The following BAZ1A variants were observed in gnomAD, a reference collection of about 807,000 sequenced individuals.
The protein encoded by BAZ1A is bromodomain adjacent to zinc finger domain protein 1A.
A neutral mutation model predicts 185.2 loss-of-function variants in BAZ1A; 50 were observed. That is an observed-to-expected ratio of 0.27 (90% CI 0.22 to 0.34). The LOEUF (loss-of-function observed/expected upper bound fraction) is 0.34, where lower values mean the gene tolerates loss of function less well. BAZ1A is among the 10% of genes least tolerant of loss of function. BAZ1A has a pLI of 1.00. For missense variants in BAZ1A, 1,356 were observed against 1,839.9 expected, an observed-to-expected ratio of 0.74 and a Z score of 4.81; for synonymous variants, 571 against 615.6, an observed-to-expected ratio of 0.93 and a Z score of 1.07.
intron 3 of BAZ1A, among the ~76,000 whole-genome samples, chr14:34,840,865 T>C (rs775590770): frequency 7.2e-5 from 11 of 152,176 alleles, no homozygotes; most frequent in African/African-American, 2.7e-4. Context: ...GACCACCTAC[T>C]TGTAGACCCC....
At chr14:34,776,577 A>G (rs1879627090) in intron 17 of BAZ1A, 62 bp from the exon 18 acceptor site, 1 of 1,391,336 alleles carries the variant, frequency 7.2e-7, no homozygotes, top group East Asian at 2.3e-5. Context: ...GAAAAATATG[A>G]GATACAAAGT....
At chr14:34,868,878 CTCTA>C (rs2042904109) in intron 2 of BAZ1A, among the ~76,000 whole-genome samples, 2 of 135,394 alleles carry the variant, frequency 1.5e-5, no homozygotes, top group Non-Finnish European at 3.2e-5. Context: ...CACTCATTCT[CTCTA>C]TGTATGTAAG....
intron 17 of BAZ1A, among the ~76,000 whole-genome samples, chr14:34,779,683 G>T (rs1459823685): frequency 6.6e-6 from 1 of 152,110 alleles, no homozygotes; most frequent in Admixed American, 6.6e-5. Context: ...AGATGTATTT[G>T]CTTTGATCTA....
Position 34,761,869 on chromosome 14 carries a change from G to A in BAZ1A, c.4131C>T (p.Phe1377=), listed in dbSNP as rs1420400884. Reference sequence around the variant, plus strand: ...CACTTGACTTTGTGGCAATGACTCTGAAGTTAGGGAAGTTGGGACTATTTT... The same window carrying A: ...CACTTGACTTTGTGGCAATGACTCTAAAGTTAGGGAAGTTGGGACTATTTT... ...TPENSPNFPN[F]RVIATKSSEQ... Residue 1377 remains phenylalanine, a synonymous_variant, in exon 24 of 27, where the codon TTC becomes TTT. Coordinates refer to ENST00000360310, the MANE Select transcript of BAZ1A (RefSeq NM_013448.3). The A allele has an allele frequency of 1.9e-6, 3 of 1,614,088 alleles. No homozygotes were observed. The highest frequency in any genetic ancestry group is 1.1e-5 in the South Asian group (1 of 91,090).
intron 3 of BAZ1A, among the ~76,000 whole-genome samples, chr14:34,857,187 T>C (rs2042696045): frequency 6.6e-6 from 1 of 151,916 alleles, no homozygotes; most frequent in Non-Finnish European, 1.5e-5. Context: ...TTTGTATTTT[T>C]AGTAGAGATG....
In BAZ1A at chr14:34,807,327, G is replaced by C. The variant is rs189018857; in HGVS notation, c.726+124C>G. 2.8e-5 allele frequency: 16 copies of C among 580,922 alleles called. No individual in the cohort carries two copies. The Admixed American group carries it at 6.2e-4, about 23-fold the overall frequency. The allele number at this position is 580,922 out of a possible 1,614,324, so 36.0% of individuals were successfully genotyped here. A position where few individuals can be genotyped will look rare whatever the true frequency, so the allele number is the denominator to read the frequency against. On this transcript the variant is annotated intron_variant, in intron 6 of 26. Coordinates refer to ENST00000360310, the MANE Select transcript of BAZ1A (RefSeq NM_013448.3). ...TATTTTTCAGAAGTACTAAAAATTGGCTCCAGATTAAAAGAGAGCAATCTT... is the reference window on the plus strand; with the variant it reads ...TATTTTTCAGAAGTACTAAAAATTGCCTCCAGATTAAAAGAGAGCAATCTT...
chr14:34,861,210 A>C (rs1464645156), intron 3 of BAZ1A, among the ~76,000 whole-genome samples: 1 of 152,194 alleles, frequency 6.6e-6, no homozygotes, highest in Non-Finnish European at 1.5e-5. Flanking sequence ...ACCTAAAGTC[A>C]AGAGGCTACA....
intron 3 of BAZ1A, among the ~76,000 whole-genome samples, chr14:34,849,709 T>C (rs895826926): frequency 1.3e-5 from 2 of 152,156 alleles, no homozygotes; most frequent in Non-Finnish European, 1.5e-5. Flanking sequence ...AGTTCTGCAA[T>C]GTGTTCTAAT....
intron 14 of BAZ1A, among the ~76,000 whole-genome samples, chr14:34,784,651 G>A (rs975572152): frequency 7.3e-5 from 11 of 151,350 alleles, no homozygotes; most frequent in African/African-American, 2.4e-4. Flanking sequence ...CCGAGTAGCT[G>A]GGACTACAGG....
chr14:34,874,462 C>G lies in BAZ1A; in HGVS notation c.113+30G>C. The G allele has an allele frequency of 1.3e-6, 2 of 1,590,544 alleles. No homozygotes were observed. The highest frequency in any genetic ancestry group is 1.7e-6 in the Non-Finnish European group (2 of 1,159,906). On this transcript the variant is annotated intron_variant, in intron 2 of 26. Transcript: ENST00000360310. The surrounding 1 kb of genome is among the most constrained non-coding windows in gnomAD (Gnocchi z 4.7). ...GCTGCGGGGGGAGTCCCCACACCCC[C>G]CGCGGCCCCGCACACGGCCCGGCTC...
chr14:34,755,816 T>C (rs1886215381), intron 25 of BAZ1A, among the ~76,000 whole-genome samples: 1 of 151,722 alleles, frequency 6.6e-6, no homozygotes, highest in Admixed American at 6.6e-5. Flanking sequence ...CCTATCTTTT[T>C]TTTTTTTTTT....
intron 3 of BAZ1A, among the ~76,000 whole-genome samples, chr14:34,847,096 C>T (rs755088936): frequency 2.0e-5 from 3 of 151,890 alleles, no homozygotes; most frequent in Non-Finnish European, 2.9e-5. Flanking sequence ...ACTAAAAATA[C>T]GAAAATTGGC....
At chr14:34,801,353 G>A (rs1337120311) in intron 7 of BAZ1A, among the ~76,000 whole-genome samples, 160 bp from the exon 8 acceptor site, 1 of 152,160 alleles carries the variant, frequency 6.6e-6, no homozygotes, top group African/African-American at 2.4e-5. Flanking sequence ...GTGCAGTGGT[G>A]TGATCTCGGC....
intron 8 of BAZ1A, 26 bp from the exon 9 acceptor site, chr14:34,800,416 C>CTA (rs772073320): frequency 6.7e-7 from 1 of 1,485,408 alleles, no homozygotes; most frequent in African/African-American, 1.5e-5. Flanking sequence ...AAACTTAGAA[C>CTA]TATATATATA....
chr14:34,764,143 A>G (rs775743410), intron 23 of BAZ1A, among the ~76,000 whole-genome samples: 2 of 152,184 alleles, frequency 1.3e-5, no homozygotes, highest in Non-Finnish European at 2.9e-5. Flanking sequence ...CTAATGTGGC[A>G]GAAGTATAAA....
intron 4 of BAZ1A, among the ~76,000 whole-genome samples, chr14:34,821,194 A>C (rs545740498): frequency 1.3e-5 from 2 of 152,340 alleles, no homozygotes; most frequent in African/African-American, 4.8e-5. Flanking sequence ...ACAACACTGC[A>C]TATATCTTGT....
At chr14:34,873,908 G>A (rs1233883202) in intron 2 of BAZ1A, among the ~76,000 whole-genome samples, 2 of 152,142 alleles carry the variant, frequency 1.3e-5, no homozygotes, top group Non-Finnish European at 2.9e-5. Context: ...GGCCCGTAGG[G>A]ACGCCCCCTC....
In BAZ1A at chr14:34,792,868, A is replaced by G. The variant is rs1177308211; in HGVS notation, c.1417T>C (p.Leu473=). 1.9e-6 allele frequency: 3 copies of G among 1,613,968 alleles called. No homozygotes were observed. Among genetic ancestry groups the G allele is most frequent in the Admixed American group, 1.7e-5 (1 of 59,982 alleles). Residue 473 remains leucine (L), a synonymous_variant, in exon 12 of 27, where the codon TTG becomes CTG. Transcript: ENST00000360310. ...GNDSEGPLCE[L]LFFFLTAIFQ... ...ATTGCAGTCAGGAAGAAAAAAAGCA[A>G]TTCACACAGTGGGCCTTCACTGTCA...
rs773662351 is a variant in BAZ1A at position 34,795,716 on chromosome 14, T to A, written c.1178A>T (p.Lys393Ile). 6.2e-7 allele frequency: 1 copy of A among 1,613,416 alleles called. No individual in the cohort carries two copies. Among genetic ancestry groups the A allele is most frequent in the Non-Finnish European group, 8.5e-7 (1 of 1,179,852 alleles). ...EEKRKYVEYL[K>I]QWSKPREDME... ...ATCTTCTCTAGGTTTACTCCACTGT[T>A]TTAAGTATTCCACATACTTTCGCTT... The change falls in exon 10 of 27, where the codon AAA becomes ATA. Residue 393 changes from lysine to isoleucine, a missense_variant. Lys to Ile is a moderately radical substitution (Grantham distance 102). Coordinates refer to ENST00000360310, the MANE Select transcript of BAZ1A (RefSeq NM_013448.3).
Sources: allele counts gnomAD v4.1 joint callset (sites outside exome capture counted in the v4.1 genomes callset), GRCh38; gene constraint gnomAD v4.1.1; non-coding constraint Gnocchi (gnomAD v3.1); transcripts MANE v1.5; gene names NCBI Gene and HGNC (gene_info 2026-07-23, HGNC 2026-07-21).